The following PDE10A variants were observed in gnomAD, a reference collection of about 807,000 sequenced individuals.
The protein encoded by PDE10A is phosphodiesterase 10A, also known as cAMP and cAMP-inhibited cGMP 3',5'-cyclic phosphodiesterase 10A.
Under a neutral mutation model 97.7 loss-of-function variants are expected in PDE10A, and 39 were observed. The observed-to-expected ratio is 0.40, with a 90% confidence interval of 0.31 to 0.52. The LOEUF (loss-of-function observed/expected upper bound fraction) is 0.52. PDE10A is among the 20% of genes least tolerant of loss of function. The pLI is 0.56. For missense variants in PDE10A, 731 were observed against 1,047.8 expected (o/e 0.70, Z 4.17); for synonymous variants, 371 against 376.8 (o/e 0.98, Z 0.18).
chr6:165,637,128 C>A (rs1361525581), intron 1 of PDE10A, among the ~76,000 whole-genome samples: 1 of 152,012 alleles, frequency 6.6e-6, no homozygotes, highest in African/African-American at 2.4e-5. Flanking sequence ...TGAACTGAGG[C>A]AAAAAGGATA....
At chr6:165,393,006 CTT>C (rs1258363972) in intron 15 of PDE10A, among the ~76,000 whole-genome samples, 4 of 152,118 alleles carry the variant, frequency 2.6e-5, no homozygotes, top group African/African-American at 9.7e-5. Context: ...GATAAAGACT[CTT>C]TTATGGTATC....
intron 1 of PDE10A, among the ~76,000 whole-genome samples, chr6:165,602,569 T>G (rs1787013988): frequency 6.6e-6 from 1 of 152,188 alleles, no homozygotes; most frequent in Non-Finnish European, 1.5e-5. Flanking sequence ...GGGCCCAGCA[T>G]GTGTACAGGC....
intron 1 of PDE10A, among the ~76,000 whole-genome samples, chr6:165,794,128 CA>C (rs1218015058): frequency 2.0e-5 from 3 of 151,648 alleles, no homozygotes; most frequent in Non-Finnish European, 4.4e-5. Context: ...CACACACACA[CA>C]CACGCTCACA....
chr6:165,619,609 GTAGTC>G (rs1172922539), intron 1 of PDE10A, among the ~76,000 whole-genome samples: 1 of 151,976 alleles, frequency 6.6e-6, no homozygotes, highest in Admixed American at 6.6e-5. Flanking sequence ...GTAGTGCACT[GTAGTC>G]TAGTGTACTG....
intron 1 of PDE10A, among the ~76,000 whole-genome samples, chr6:165,597,857 G>A (rs1456000642): frequency 6.6e-6 from 1 of 152,108 alleles, no homozygotes; most frequent in Non-Finnish European, 1.5e-5. Flanking sequence ...GTAAATGGAA[G>A]GTAACAGAAA....
intron 1 of PDE10A, among the ~76,000 whole-genome samples, chr6:165,848,866 G>A (rs751339575): frequency 1.3e-5 from 2 of 152,188 alleles, no homozygotes; most frequent in Non-Finnish European, 2.9e-5. Context: ...AGGGCAAGGT[G>A]GGGCAGGAGA....
intron 1 of PDE10A, among the ~76,000 whole-genome samples, chr6:165,733,465 C>A (rs1792489920): frequency 1.3e-5 from 2 of 152,132 alleles, no homozygotes; most frequent in African/African-American, 4.8e-5. Flanking sequence ...ACAGACTTTT[C>A]TACTAACAAA....
chr6:165,533,595 T>G (rs1002230993), intron 2 of PDE10A, among the ~76,000 whole-genome samples: 3 of 152,172 alleles, frequency 2.0e-5, no homozygotes, highest in Non-Finnish European at 4.4e-5. Context: ...TACTTGCTCA[T>G]TGGCATACTA....
chr6:165,598,837 T>A (rs983363493), intron 1 of PDE10A, among the ~76,000 whole-genome samples: 2 of 152,192 alleles, frequency 1.3e-5, no homozygotes, highest in African/African-American at 4.8e-5. Context: ...GGGCCTGCTC[T>A]TGCCAGCCGC....
chr6:165,619,614 C>CTAGCG (rs1788011659), intron 1 of PDE10A, among the ~76,000 whole-genome samples: 5 of 144,774 alleles, frequency 3.5e-5, no homozygotes, highest in Non-Finnish European at 6.0e-5. Context: ...GCACTGTAGT[C>CTAGCG]TAGTGTACTG....
intron 1 of PDE10A, among the ~76,000 whole-genome samples, chr6:165,811,047 A>G (rs1016369037): frequency 6.6e-6 from 1 of 152,168 alleles, no homozygotes; most frequent in East Asian, 1.9e-4. Context: ...AACATGGTGA[A>G]ACCCCATCTC....
intron 5 of PDE10A, among the ~76,000 whole-genome samples, chr6:165,440,482 A>G (rs1790359588): frequency 6.6e-6 from 1 of 152,186 alleles, no homozygotes; most frequent in Non-Finnish European, 1.5e-5. Context: ...TTCTTAAAAG[A>G]CGTGTTGTAT....
In PDE10A at chr6:165,621,224, C is replaced by A. The variant is rs184026515; in HGVS notation, c.865+40723G>T. On this transcript the variant is annotated intron_variant, in intron 1 of 21. Coordinates refer to ENST00000539869, the MANE Select transcript of PDE10A (RefSeq NM_001385079.1). ...TTAAGTTCAGTATATTTTAAAGATACATTGAAAACATTTATAGAACTAAAA... is the reference window on the plus strand; with the variant it reads ...TTAAGTTCAGTATATTTTAAAGATAAATTGAAAACATTTATAGAACTAAAA... Among the ~76,000 whole-genome samples the A allele has an allele frequency of 7.5e-5, 11 of 146,738 alleles. No individual in the cohort carries two copies. In the East Asian group the frequency reaches 2.0e-3, roughly 26 times the overall value.
chr6:165,804,521 G>T (rs1402252363), intron 1 of PDE10A, among the ~76,000 whole-genome samples: 1 of 152,098 alleles, frequency 6.6e-6, no homozygotes, highest in Non-Finnish European at 1.5e-5. Context: ...AATGTTTGGC[G>T]CGAACCACAG....
chr6:165,936,489 C>T (rs141289895), intron 1 of PDE10A, among the ~76,000 whole-genome samples: 214 of 152,250 alleles, frequency 1.4e-3, no homozygotes, highest in Middle Eastern at 3.4e-3. Context: ...CAGATGGTCA[C>T]GAGGGTCAAA....
chr6:165,568,294 C>G (rs879877224), intron 1 of PDE10A, among the ~76,000 whole-genome samples: 3 of 152,136 alleles, frequency 2.0e-5, no homozygotes, highest in Non-Finnish European at 4.4e-5. Context: ...CCACCGCATC[C>G]GGCCAGCATT....
intron 2 of PDE10A, among the ~76,000 whole-genome samples, chr6:165,529,535 C>G (rs180941997): frequency 3.9e-5 from 6 of 152,294 alleles, no homozygotes; most frequent in East Asian, 1.9e-4. Context: ...AGTCATCATA[C>G]CAGCTACGAC....
intron 1 of PDE10A, among the ~76,000 whole-genome samples, chr6:165,952,860 A>G (rs926563707): frequency 1.1e-3 from 6 of 5,404 alleles, no homozygotes; most frequent in South Asian, 6.3e-3. Context: ...TTATAAGAGA[A>G]AAAAAAAAAA....
In PDE10A at chr6:165,605,672, C is replaced by A. The variant is rs2128398214; in HGVS notation, c.865+56275G>T. On this transcript the variant is annotated intron_variant, in intron 1 of 21. Transcript: ENST00000539869. ...AACACGGAAACCACACACAAACTGT[C>A]ATTTGTGGCAGGCTGTTGAGTGCCT... 2.0e-5 allele frequency among the ~76,000 whole-genome samples: 3 copies of A among 152,246 alleles called. No individual in the cohort carries two copies. In the Middle Eastern group the frequency reaches 0.01, roughly 518 times the overall value.
Sources: gnomAD v4.1 joint callset for allele counts (sites outside exome capture counted in the v4.1 genomes callset) on GRCh38, gnomAD v4.1.1 for gene constraint, MANE v1.5 for transcripts, NCBI Gene and HGNC (gene_info 2026-07-23, HGNC 2026-07-21) for gene names.